CHST9: variants seen among roughly 807,000 people sequenced by gnomAD.
CHST9 encodes the protein GalNAc-4-sulfotransferase 2.
Under a neutral mutation model 44.4 loss-of-function variants are expected in CHST9, and 41 were observed. That is an observed-to-expected ratio of 0.92 (90% CI 0.72 to 1.20). The LOEUF (loss-of-function observed/expected upper bound fraction) is 1.20. Ranked by LOEUF, CHST9 falls within the 50% of genes most tolerant of loss-of-function variation. The probability of loss-of-function intolerance (pLI) is 0.00; values close to 1 mark genes in which losing one functional copy is unlikely to be tolerated. For missense variants in CHST9, 504 were observed against 516.5 expected (o/e 0.98, Z 0.23); for synonymous variants, 171 against 178.4 (o/e 0.96, Z 0.33).
chr18:26,977,304 G>T (rs2056634912), intron 4 of CHST9, among the ~76,000 whole-genome samples: 1 of 152,044 alleles, frequency 6.6e-6, no homozygotes, highest in Non-Finnish European at 1.5e-5. Context: ...TAAAGCAATA[G>T]CCTGCTGCAG....
chr18:27,140,065 C>G (rs932486115), intron 2 of CHST9, among the ~76,000 whole-genome samples: 2 of 152,188 alleles, frequency 1.3e-5, no homozygotes, highest in East Asian at 3.9e-4. Context: ...TTTATAGCTA[C>G]AGGTTAAGTC....
At position 26,944,342 on chromosome 18, in the gene CHST9, T is replaced by C. The variant is rs747650909; in HGVS notation, c.227A>G (p.His76Arg). ...RIMSTEKIQEHITNQNPKFHM... is the reference protein window; with the variant it reads ...RIMSTEKIQERITNQNPKFHM... ...ATGAGAGAATACCTGGTTGGTGATA[T>C]GTTCCTGGATTTTTTCTGTACTCAC... The change falls in exon 5 of 6, where the codon CAT becomes CGT. Residue 76 changes from histidine (H) to arginine (R), a missense_variant. Coordinates refer to ENST00000618847, the MANE Select transcript of CHST9 (RefSeq NM_031422.6). The C allele has an allele frequency of 3.2e-5, 52 of 1,609,044 alleles. 1 individual carries two copies. Among genetic ancestry groups the C allele is most frequent in the Non-Finnish European group, 1.7e-6 (2 of 1,176,008 alleles).
intron 2 of CHST9, among the ~76,000 whole-genome samples, chr18:27,122,146 C>T (rs1166153852): frequency 4.6e-5 from 7 of 152,114 alleles, no homozygotes; most frequent in Admixed American, 2.0e-4. Context: ...GAAGAACAAA[C>T]GCACCAGTGT....
At chr18:26,946,773 G>A (rs1241199232) in intron 4 of CHST9, among the ~76,000 whole-genome samples, 1 of 151,750 alleles carries the variant, frequency 6.6e-6, no homozygotes, top group Non-Finnish European at 1.5e-5. Context: ...TATTAAATAG[G>A]AAATCCTTTC....
At chr18:27,139,993 C>T (rs991604833) in intron 2 of CHST9, among the ~76,000 whole-genome samples, 2 of 152,168 alleles carry the variant, frequency 1.3e-5, no homozygotes, top group Admixed American at 6.5e-5. Flanking sequence ...TTAGGAGACT[C>T]TTTCAGGGAT....
intron 1 of CHST9, among the ~76,000 whole-genome samples, chr18:27,160,439 C>G (rs958062227): frequency 6.6e-6 from 1 of 152,162 alleles, no homozygotes; most frequent in African/African-American, 2.4e-5. Context: ...TTGAACCAGC[C>G]TTGCATCCCA....
At chr18:26,964,648 A>T (rs2056442268) in intron 4 of CHST9, among the ~76,000 whole-genome samples, 1 of 152,190 alleles carries the variant, frequency 6.6e-6, no homozygotes, top group African/African-American at 2.4e-5. Context: ...CTCTAAGCTC[A>T]TTGCCTTCCC....
intron 2 of CHST9, among the ~76,000 whole-genome samples, chr18:27,084,942 T>A (rs752408078): frequency 2.0e-5 from 3 of 148,692 alleles, no homozygotes; most frequent in Non-Finnish European, 4.4e-5. Context: ...TTAATTTCCA[T>A]GAAATTATAT....
At chr18:26,968,930 C>T (rs1359624489) in intron 4 of CHST9, among the ~76,000 whole-genome samples, 1 of 151,654 alleles carries the variant, frequency 6.6e-6, no homozygotes, top group Non-Finnish European at 1.5e-5. Context: ...TACACAAAAT[C>T]CTCACATGGG....
At chr18:27,056,765 A>G (rs1165392367) in intron 2 of CHST9, among the ~76,000 whole-genome samples, 1 of 152,176 alleles carries the variant, frequency 6.6e-6, no homozygotes, top group African/African-American at 2.4e-5. Flanking sequence ...GATGACTTCC[A>G]TTATGAATAT....
chr18:26,983,030 G>A (rs910297074), intron 4 of CHST9, among the ~76,000 whole-genome samples: 1 of 152,088 alleles, frequency 6.6e-6, no homozygotes, highest in Non-Finnish European at 1.5e-5. Flanking sequence ...TAAGGAGAGG[G>A]AGGATCTGAC....
At chr18:27,037,190 A>G (rs893665255) in intron 3 of CHST9, among the ~76,000 whole-genome samples, 3 of 152,202 alleles carry the variant, frequency 2.0e-5, no homozygotes, top group South Asian at 2.1e-4. Context: ...TTTTCCAGCA[A>G]TATGAACTGA....
At chr18:27,165,447 C>A (rs112719834) in intron 1 of CHST9, among the ~76,000 whole-genome samples, 306 of 152,266 alleles carry the variant, frequency 2.0e-3, no homozygotes, top group African/African-American at 7.0e-3. Context: ...GACATACATG[C>A]ATGGTTGAAT....
chr18:27,127,489 T>C (rs1301338773), intron 2 of CHST9, among the ~76,000 whole-genome samples: 1 of 151,966 alleles, frequency 6.6e-6, no homozygotes, highest in Non-Finnish European at 1.5e-5. Flanking sequence ...CAGTGGTTGA[T>C]AGGGGCAGAC....
chr18:27,181,167 A>G (rs1194092190), intron 1 of CHST9, among the ~76,000 whole-genome samples: 1 of 152,138 alleles, frequency 6.6e-6, no homozygotes, highest in Admixed American at 6.5e-5. Context: ...GGCAGTTCTA[A>G]CCTTCCACAC....
intron 2 of CHST9, among the ~76,000 whole-genome samples, chr18:27,057,943 T>C (rs566274267): frequency 3.9e-4 from 60 of 152,226 alleles, no homozygotes; most frequent in Non-Finnish European, 7.1e-4. Context: ...GTAATTAATG[T>C]GACAAACAAC....
rs371406443 is a variant in CHST9, at chr18:27,163,686, G to A, written c.-96-20781C>T. ...AAAAGCGCATTATTAGGGTGGGAGT[G>A]ACCCTAATTTCCAGGTGCCATCTGT... On this transcript the variant is annotated intron_variant, in intron 1 of 5. Transcript: ENST00000618847. Among the ~76,000 whole-genome samples, 48 of 152,288 alleles carry A rather than the reference G, an allele frequency of 3.2e-4. No individual in the cohort carries two copies. In the South Asian group the frequency reaches 9.9e-3, roughly 32 times the overall value.
intron 2 of CHST9, among the ~76,000 whole-genome samples, chr18:27,091,729 T>C (rs1409910695): frequency 6.6e-6 from 1 of 152,216 alleles, no homozygotes; most frequent in African/African-American, 2.4e-5. Context: ...ATTGTTCCTG[T>C]TTATATGATG....
At position 26,998,521 on chromosome 18, in the gene CHST9, T is replaced by C. The variant is rs554513179; in HGVS notation, c.202+25595A>G. Among the ~76,000 whole-genome samples, 205 of 151,282 alleles carry C rather than the reference T, an allele frequency of 1.4e-3. 1 individual carries two copies. Among genetic ancestry groups the C allele is most frequent in the Non-Finnish European group, 1.5e-3 (102 of 67,794 alleles). On this transcript the variant is annotated intron_variant, in intron 4 of 5. Coordinates refer to ENST00000618847, the MANE Select transcript of CHST9 (RefSeq NM_031422.6). ...TGGGAGGATCACTTGAGGTCAAGAG[T>C]TCGAGAGCAGCCTGGCCAACATGGC... is the stretch of plus-strand genomic sequence containing the variant.
Sources: allele counts gnomAD v4.1 joint callset (sites outside exome capture counted in the v4.1 genomes callset), GRCh38; gene constraint gnomAD v4.1.1; transcripts MANE v1.5; gene names NCBI Gene and HGNC (gene_info 2026-07-23, HGNC 2026-07-21).